Variants in UBAC2 observed in about 807,000 individuals in gnomAD.
UBAC2 encodes the protein UBA domain containing 2, also known as ubiquitin-associated domain-containing protein 2.
Under a neutral mutation model 44.0 loss-of-function variants are expected in UBAC2, and 26 were observed. That is an observed-to-expected ratio of 0.59 (90% CI 0.43 to 0.82). UBAC2 has a LOEUF of 0.82. Among genes scored for constraint, UBAC2 ranks in the 40% least tolerant of loss-of-function variants. UBAC2 has a pLI of 0.00. For synonymous variants in UBAC2, 155 were observed against 154.3 expected, an observed-to-expected ratio of 1.00 and a Z score of -0.04; for missense variants, 329 against 419.4, an observed-to-expected ratio of 0.78 and a Z score of 1.88.
chr13:99,341,254 C>A (rs2044881206), intron 7 of UBAC2, among the ~76,000 whole-genome samples: 1 of 152,308 alleles, frequency 6.6e-6, no homozygotes, highest in South Asian at 2.1e-4. Context: ...TTCTTTACCC[C>A]TGGGGTAGTT....
intron 6 of UBAC2, among the ~76,000 whole-genome samples, chr13:99,318,421 C>G (rs1368613643): frequency 6.6e-6 from 1 of 151,606 alleles, no homozygotes; most frequent in Non-Finnish European, 1.5e-5. Flanking sequence ...CCCGCCTCAG[C>G]CTCCCAAAGT....
chr13:99,206,251 G>A (rs1226130649), intron 1 of UBAC2, among the ~76,000 whole-genome samples: 1 of 152,206 alleles, frequency 6.6e-6, no homozygotes, highest in Non-Finnish European at 1.5e-5. Flanking sequence ...TGAGAGTTAG[G>A]TTGTGGGTGT....
chr13:99,317,130 C>A (rs2044503090), intron 5 of UBAC2, among the ~76,000 whole-genome samples: 1 of 152,148 alleles, frequency 6.6e-6, no homozygotes, highest in African/African-American at 2.4e-5. Context: ...TCAACTCTTA[C>A]CTTTTGTGTC....
At chr13:99,244,085 G>T in intron 3 of UBAC2, 134 bp downstream of exon 3, 1 of 715,672 alleles carries the variant, frequency 1.4e-6, no homozygotes, top group Non-Finnish European at 2.1e-6. Context: ...TATCTGATTT[G>T]AGGCACATGG....
intron 6 of UBAC2, among the ~76,000 whole-genome samples, chr13:99,319,362 A>T (rs971998651): frequency 2.6e-5 from 4 of 152,246 alleles, no homozygotes; most frequent in Non-Finnish European, 4.4e-5. Flanking sequence ...GAATGGATTC[A>T]TAATAATACA....
chr13:99,257,265 T>A (rs1257281035), intron 4 of UBAC2, among the ~76,000 whole-genome samples: 1 of 152,218 alleles, frequency 6.6e-6, no homozygotes, highest in Non-Finnish European at 1.5e-5. Context: ...AGAGAAAAAT[T>A]ATATCTCTAG....
At chr13:99,371,611 T>G (rs1356723556) in intron 8 of UBAC2, among the ~76,000 whole-genome samples, 1 of 152,240 alleles carries the variant, frequency 6.6e-6, no homozygotes, top group Non-Finnish European at 1.5e-5. Flanking sequence ...TAAGATAACT[T>G]GAATTAACAA....
chr13:99,244,483 CTCTA>C, intron 3 of UBAC2, 28 bp from the exon 4 acceptor site: 1 of 1,467,510 alleles, frequency 6.8e-7, no homozygotes. Flanking sequence ...GGAGACTCAT[CTCTA>C]TCATTTTTCT....
intron 4 of UBAC2, among the ~76,000 whole-genome samples, chr13:99,269,611 G>A (rs2043791380): frequency 6.6e-6 from 1 of 152,108 alleles, no homozygotes; most frequent in Non-Finnish European, 1.5e-5. Context: ...CACCATTAAG[G>A]TAAGAGCTAA....
At chr13:99,209,098 G>C (rs866742161) in intron 1 of UBAC2, among the ~76,000 whole-genome samples, 3 of 152,232 alleles carry the variant, frequency 2.0e-5, no homozygotes, top group African/African-American at 2.4e-5. Flanking sequence ...GTGCATGTGG[G>C]TCCCAGTGCT....
At chr13:99,201,629 G>T in intron 1 of UBAC2, 1 of 1,586,452 alleles carries the variant, frequency 6.3e-7, no homozygotes, top group African/African-American at 1.3e-5. Flanking sequence ...GTGTGGAATT[G>T]ACTTTCGGTA....
chr13:99,356,773 CTATTT>C (rs1229568236), intron 7 of UBAC2, among the ~76,000 whole-genome samples: 1 of 152,226 alleles, frequency 6.6e-6, no homozygotes, highest in African/African-American at 2.4e-5. Flanking sequence ...TCTAAGGTTC[CTATTT>C]TTAAGACTTT....
intron 8 of UBAC2, among the ~76,000 whole-genome samples, chr13:99,371,010 C>T (rs945132473): frequency 6.6e-6 from 1 of 152,136 alleles, no homozygotes; most frequent in South Asian, 2.1e-4. Context: ...TTACTTGATA[C>T]AGCAGTGAGT....
At position 99,385,233 on chromosome 13, in the gene UBAC2, C is replaced by A; in HGVS notation, c.933C>A (p.Ala311=). ...TGCGTTTTCTCTGCCTGCAGGTCGC[C>A]CGGCTCATGGAGATGGGATTTTCCA... ...PPLEVSEEQV[A]RLMEMGFSRG... Residue 311 remains alanine, a synonymous_variant, in exon 9 of 9, where the codon GCC becomes GCA. Coordinates refer to ENST00000403766, the MANE Select transcript of UBAC2 (RefSeq NM_001144072.2). 6.2e-7 allele frequency: 1 copy of A among 1,613,984 alleles called. No homozygotes were observed. Among genetic ancestry groups the A allele is most frequent in the East Asian group, 2.2e-5 (1 of 44,882 alleles).
At chr13:99,211,269 A>G (rs1044166206) in intron 1 of UBAC2, among the ~76,000 whole-genome samples, 1 of 152,216 alleles carries the variant, frequency 6.6e-6, no homozygotes, top group Non-Finnish European at 1.5e-5. Context: ...CCACATAGCT[A>G]GTAGTATGTG....
chr13:99,247,656 G>A (rs2043404061), intron 4 of UBAC2, among the ~76,000 whole-genome samples: 1 of 152,142 alleles, frequency 6.6e-6, no homozygotes, highest in African/African-American at 2.4e-5. Flanking sequence ...AAACCTAGAT[G>A]ATGGGTCGAT....
At chr13:99,314,323 T>TC in intron 5 of UBAC2, 103 bp downstream of exon 5, 5 of 1,353,732 alleles carry the variant, frequency 3.7e-6, no homozygotes, top group South Asian at 1.6e-5. Flanking sequence ...ATGGTTTTTT[T>TC]CCCCCCATAA....
chr13:99,275,735 T>G (rs1396771752), intron 4 of UBAC2, among the ~76,000 whole-genome samples: 3 of 152,218 alleles, frequency 2.0e-5, no homozygotes, highest in Admixed American at 6.5e-5. Context: ...TGTCAGGAGT[T>G]TTCCTTACAT....
chr13:99,385,353 T>C lies in UBAC2; in HGVS notation c.*18T>C. On this transcript the variant is annotated 3_prime_UTR_variant, in exon 9 of 9. Coordinates refer to ENST00000403766, the MANE Select transcript of UBAC2 (RefSeq NM_001144072.2). Reference sequence around the variant, plus strand: ...AGCACTGATAGTCCCAGGCCAACACTGGGACCGGACCGGCAGCCGAGTGAC... The same window carrying C: ...AGCACTGATAGTCCCAGGCCAACACCGGGACCGGACCGGCAGCCGAGTGAC... The C allele has an allele frequency of 6.2e-7, 1 of 1,604,154 alleles. No individual in the cohort carries two copies. The highest frequency in any genetic ancestry group is 8.5e-7 in the Non-Finnish European group (1 of 1,171,254).
Sources: gnomAD v4.1 joint callset for allele counts (sites outside exome capture counted in the v4.1 genomes callset) on GRCh38, gnomAD v4.1.1 for gene constraint, MANE v1.5 for transcripts, NCBI Gene and HGNC (gene_info 2026-07-23, HGNC 2026-07-21) for gene names.